The following RAD18 variants were observed in gnomAD, a reference collection of about 807,000 sequenced individuals.
The protein encoded by RAD18 is RAD18 E3 ubiquitin protein ligase.
RAD18 carries 47 observed loss-of-function variants against 60.4 expected under a neutral mutation model. That is an observed-to-expected ratio of 0.78 (90% CI 0.62 to 0.99). The LOEUF (loss-of-function observed/expected upper bound fraction) is 0.99, where lower values mean the gene tolerates loss of function less well. RAD18 is among the 50% of genes least tolerant of loss of function. The pLI, the probability that RAD18 is intolerant of heterozygous loss-of-function variation, is 0.00. For synonymous variants in RAD18, 225 were observed against 195.5 expected, an observed-to-expected ratio of 1.15 and a Z score of -1.26; for missense variants, 640 against 593.3, an observed-to-expected ratio of 1.08 and a Z score of -0.82.
chr3:8,940,412 G>A (rs1940728049), intron 5 of RAD18, among the ~76,000 whole-genome samples: 1 of 151,780 alleles, frequency 6.6e-6, no homozygotes, highest in Non-Finnish European at 1.5e-5. Flanking sequence ...ACTGTCAATT[G>A]GTAAAAAGAC....
At chr3:8,888,383 G>C (rs947739120) in intron 12 of RAD18, among the ~76,000 whole-genome samples, 1 of 152,182 alleles carries the variant, frequency 6.6e-6, no homozygotes, top group Non-Finnish European at 1.5e-5. Context: ...TTTATATGGA[G>C]CCATGTGTTG....
chr3:8,914,148 A>G (rs1434509664), intron 7 of RAD18, among the ~76,000 whole-genome samples: 1 of 152,240 alleles, frequency 6.6e-6, no homozygotes. Context: ...ATACCAGGAA[A>G]AATGTCCTTG....
intron 2 of RAD18, among the ~76,000 whole-genome samples, chr3:8,956,542 C>G (rs1941015702): frequency 6.6e-6 from 1 of 152,102 alleles, no homozygotes; most frequent in South Asian, 2.1e-4. Context: ...CAGTTGACCA[C>G]AGGTAACTGA....
intron 7 of RAD18, among the ~76,000 whole-genome samples, chr3:8,919,656 T>A (rs771249964): frequency 1.1e-4 from 17 of 152,268 alleles, no homozygotes; most frequent in Non-Finnish European, 2.2e-4. Context: ...CAGCTTCATC[T>A]GCTCAAATAG....
chr3:8,901,964 G>A (rs1467488156), intron 10 of RAD18, among the ~76,000 whole-genome samples: 1 of 152,172 alleles, frequency 6.6e-6, no homozygotes, highest in Non-Finnish European at 1.5e-5. Context: ...TAAGGAACGT[G>A]CTCTGTATTA....
intron 7 of RAD18, among the ~76,000 whole-genome samples, chr3:8,933,742 C>T (rs1212505596): frequency 6.6e-6 from 1 of 152,110 alleles, no homozygotes; most frequent in Non-Finnish European, 1.5e-5. Flanking sequence ...GACTCAAATA[C>T]TATACAGATA....
At chr3:8,961,822 G>C (rs1941098504) in intron 1 of RAD18, among the ~76,000 whole-genome samples, 1 of 152,142 alleles carries the variant, frequency 6.6e-6, no homozygotes, top group African/African-American at 2.4e-5. Context: ...AGTCAGAGAA[G>C]ACATGGAACC....
At chr3:8,927,524 T>A (rs538501059) in intron 7 of RAD18, among the ~76,000 whole-genome samples, 1 of 152,296 alleles carries the variant, frequency 6.6e-6, no homozygotes, top group African/African-American at 2.4e-5. Flanking sequence ...GATCTACAGC[T>A]AGAAATACCA....
chr3:8,947,193 G>C, intron 4 of RAD18, 27 bp downstream of exon 4: 1 of 1,534,938 alleles, frequency 6.5e-7, no homozygotes, highest in Non-Finnish European at 9.0e-7. Flanking sequence ...AAAGTAGTTA[G>C]AGGTTAGTCA....
intron 1 of RAD18, among the ~76,000 whole-genome samples, chr3:8,962,462 A>T (rs777758598): frequency 6.6e-6 from 1 of 152,244 alleles, no homozygotes. Flanking sequence ...TTTAGCCTTC[A>T]CTTAATTCTA....
rs764501799 is a variant in RAD18 at position 8,881,396 on chromosome 3, A to G, written c.1449T>C (p.Ser483=). 7.1e-5 allele frequency: 115 copies of G among 1,612,962 alleles called. No homozygotes were observed. Among genetic ancestry groups the G allele is most frequent in the Non-Finnish European group, 9.4e-5 (111 of 1,179,058 alleles). The change falls in exon 13 of 13, where the codon AGT becomes AGC. Residue 483 remains serine (S), a synonymous_variant. Transcript: ENST00000264926. ...GCTTGTTTCTTGGTTCAATCTCAGC[A>G]CTTTCAGCGGCTCTTGTGCGGCGAT... is the stretch of plus-strand genomic sequence containing the variant. ...RQNRRTRAAE[S]AEIEPRNKRN...
In RAD18 at chr3:8,941,657, G is replaced by T; in HGVS notation, c.414C>A (p.Ile138=). Residue 138 remains isoleucine, a synonymous_variant, in exon 5 of 13, where the codon ATC becomes ATA. Coordinates refer to ENST00000264926, the MANE Select transcript of RAD18 (RefSeq NM_020165.4). The part of the protein sequence containing the change: ...QGSRLMDNFL[I]REMSGSTSEL... ...CTGATGTAGAACCACTCATTTCTCT[G>T]ATCAAGAAATTATCCATTAACCTGC... 1 of 1,614,064 alleles carries T rather than the reference G, an allele frequency of 6.2e-7. No individual in the cohort carries two copies. The highest frequency in any genetic ancestry group is 8.5e-7 in the Non-Finnish European group (1 of 1,180,002).
chr3:8,888,435 G>A (rs1939621309), intron 12 of RAD18, among the ~76,000 whole-genome samples: 1 of 152,214 alleles, frequency 6.6e-6, no homozygotes, highest in Admixed American at 6.5e-5. Flanking sequence ...AAGAGAATGT[G>A]TCGGAACTGA....
Position 8,913,954 on chromosome 3 carries a change from T to C in RAD18, c.890-234A>G, listed in dbSNP as rs542122585. On this transcript the variant is annotated intron_variant, in intron 7 of 12. Coordinates refer to ENST00000264926, the MANE Select transcript of RAD18 (RefSeq NM_020165.4). ...ACACATGCACATGCTGTTCAACGTA[T>C]AACCACAAGAGTCAAGTCATTTTGC... is the stretch of plus-strand genomic sequence containing the variant. 4.4e-5 allele frequency among the ~76,000 whole-genome samples: 4 copies of C among 91,674 alleles called. No homozygotes were observed. The South Asian group carries it at 1.6e-3, about 37-fold the overall frequency. The allele number at this position is 91,674 out of a possible 152,430, so 60.1% of individuals were successfully genotyped here.
At position 8,941,733 on chromosome 3, in the gene RAD18, G is replaced by A. The variant is rs1487081711; in HGVS notation, c.338C>T (p.Ala113Val). The change falls in exon 5 of 13, where the codon GCT (alanine) becomes GTT (valine). Residue 113 changes from alanine to valine, a missense_variant. Coordinates refer to ENST00000264926, the MANE Select transcript of RAD18 (RefSeq NM_020165.4). ...GGCTACAGGAGTATATACTTTGACAGCAAGATTCTTTGAAGAGGAAGAAGC... is the reference window on the plus strand; with the variant it reads ...GGCTACAGGAGTATATACTTTGACAACAAGATTCTTTGAAGAGGAAGAAGC... Reference protein sequence around the residue: ...SPASSSSKNLAVKVYTPVASR... With the variant: ...SPASSSSKNLVVKVYTPVASR... 2.5e-6 allele frequency: 4 copies of A among 1,614,092 alleles called. No individual in the cohort carries two copies. Among genetic ancestry groups the A allele is most frequent in the Non-Finnish European group, 3.4e-6 (4 of 1,179,978 alleles).
intron 10 of RAD18, among the ~76,000 whole-genome samples, chr3:8,899,427 T>C (rs1335980321): frequency 1.3e-5 from 2 of 152,188 alleles, no homozygotes; most frequent in Non-Finnish European, 2.9e-5. Context: ...CAGATTCAAC[T>C]AATAAGACAA....
chr3:8,917,143 C>T lies in RAD18; in HGVS notation c.890-3423G>A, dbSNP rs549065746. ...CACTTCTCATCAGAAATTATTCAAG[C>T]CAGATAACAATAGAGTGACATCTTT... On this transcript the variant is annotated intron_variant, in intron 7 of 12. Transcript: ENST00000264926. Among the ~76,000 whole-genome samples the T allele has an allele frequency of 3.9e-5, 6 of 152,126 alleles. No homozygotes were observed. The South Asian group carries it at 1.2e-3, about 32-fold the overall frequency.
intron 2 of RAD18, among the ~76,000 whole-genome samples, chr3:8,952,572 G>C (rs948763078): frequency 6.6e-6 from 1 of 152,160 alleles, no homozygotes; most frequent in Non-Finnish European, 1.5e-5. Flanking sequence ...AAATTAATAA[G>C]TTGTCACTAT....
rs139889080 is a variant in RAD18 at position 8,953,748 on chromosome 3, T to A, written c.133+5172A>T. ...GGGGCATCTCTAATCCCAAGCAAGATCCTAGATAAAATAATTGGCTTGTGG... is the reference window on the plus strand; with the variant it reads ...GGGGCATCTCTAATCCCAAGCAAGAACCTAGATAAAATAATTGGCTTGTGG... On this transcript the variant is annotated intron_variant, in intron 2 of 12. Transcript: ENST00000264926. Among the ~76,000 whole-genome samples, 996 of 151,430 alleles carry A rather than the reference T, an allele frequency of 6.6e-3. 9 individuals are homozygous for A. Among genetic ancestry groups the A allele is most frequent in the Middle Eastern group, 0.038 (11 of 290 alleles).
Sources: gnomAD v4.1 joint callset for allele counts (sites outside exome capture counted in the v4.1 genomes callset) on GRCh38, gnomAD v4.1.1 for gene constraint, MANE v1.5 for transcripts, NCBI Gene and HGNC (gene_info 2026-07-23, HGNC 2026-07-21) for gene names.